Variants in CIMIP6 observed in about 807,000 individuals in gnomAD.
CIMIP6 encodes ciliary microtubule inner protein 6, also known as uncharacterized protein C2orf73.
chr2:54,358,999 C>A, the CIMIP6 span: 1 of 1,553,184 alleles, frequency 6.4e-7, no homozygotes, highest in Non-Finnish European at 8.7e-7. Flanking sequence ...AACTTCAAAA[C>A]AATTTTATAG....
the CIMIP6 span, among the ~76,000 whole-genome samples, chr2:54,354,579 TTC>T: frequency 2.6e-5 from 4 of 152,220 alleles, no homozygotes; most frequent in East Asian, 1.9e-4. Flanking sequence ...ACTATATAGT[TTC>T]TGTTTCTACT....
chr2:54,343,800 C>CTTCCAAAAACCATCGT, the CIMIP6 span: 1 of 1,612,956 alleles, frequency 6.2e-7, no homozygotes, highest in Non-Finnish European at 8.5e-7. Context: ...AGAGGAGTGA[C>CTTCCAAAAACCATCGT]TTCCAAAAAC....
At chr2:54,374,972 T>A in the CIMIP6 span, among the ~76,000 whole-genome samples, 1 of 152,220 alleles carries the variant, frequency 6.6e-6, no homozygotes, top group Non-Finnish European at 1.5e-5. Flanking sequence ...TCACACATAA[T>A]AGAATATCTA....
chr2:54,366,202 C>A, the CIMIP6 span, among the ~76,000 whole-genome samples: 69 of 152,270 alleles, frequency 4.5e-4, no homozygotes, highest in African/African-American at 1.6e-3. Flanking sequence ...GCAGCATGTG[C>A]AACTTCTAAA....
At chr2:54,375,210 G>A in the CIMIP6 span, among the ~76,000 whole-genome samples, 1 of 152,082 alleles carries the variant, frequency 6.6e-6, no homozygotes, top group African/African-American at 2.4e-5. Context: ...AAAAGATAAA[G>A]GGAAGAATGG....
At chr2:54,351,610 C>A in the CIMIP6 span, among the ~76,000 whole-genome samples, 2 of 151,964 alleles carry the variant, frequency 1.3e-5, no homozygotes, top group East Asian at 3.9e-4. Flanking sequence ...GACACTAGGG[C>A]CTGTTGGATG....
chr2:54,379,446 T>C, the CIMIP6 span, among the ~76,000 whole-genome samples: 1 of 152,214 alleles, frequency 6.6e-6, no homozygotes, highest in African/African-American at 2.4e-5. Flanking sequence ...TCCTGGGCCA[T>C]ACTTGCAGGC....
the CIMIP6 span, among the ~76,000 whole-genome samples, chr2:54,374,531 G>A: frequency 6.6e-6 from 1 of 152,158 alleles, no homozygotes; most frequent in South Asian, 2.1e-4. Flanking sequence ...AACCAATAAT[G>A]AATCTTTCCA....
the CIMIP6 span, among the ~76,000 whole-genome samples, chr2:54,333,276 T>C: frequency 6.6e-6 from 1 of 152,106 alleles, no homozygotes; most frequent in Non-Finnish European, 1.5e-5. Context: ...AGTACTAAAA[T>C]AGAGAATACA....
At chr2:54,375,485 G>T in the CIMIP6 span, among the ~76,000 whole-genome samples, 1 of 152,320 alleles carries the variant, frequency 6.6e-6, no homozygotes, top group South Asian at 2.1e-4. Context: ...GTAAGGGTAA[G>T]GGGGAAAGCA....
chr2:54,381,712 A>G, the CIMIP6 span: 1 of 1,270,464 alleles, frequency 7.9e-7, no homozygotes, highest in East Asian at 2.8e-5. Context: ...CTCCTGTGCC[A>G]TCTGCCCTTT....
At chr2:54,359,639 AG>A in the CIMIP6 span, among the ~76,000 whole-genome samples, 4 of 151,556 alleles carry the variant, frequency 2.6e-5, no homozygotes, top group African/African-American at 9.7e-5. Context: ...ATAATATCAA[AG>A]CAGTTTGACA....
chr2:54,343,319 AGAT>A, the CIMIP6 span, among the ~76,000 whole-genome samples: 1 of 152,222 alleles, frequency 6.6e-6, no homozygotes, highest in African/African-American at 2.4e-5. Context: ...CACTATTTTT[AGAT>A]GATAATACAT....
the CIMIP6 span, among the ~76,000 whole-genome samples, chr2:54,380,159 AAAAG>A: frequency 6.6e-6 from 1 of 152,030 alleles, no homozygotes; most frequent in African/African-American, 2.4e-5. Context: ...AATAAAATAA[AAAAG>A]AAGGAAGGAA....
the CIMIP6 span, among the ~76,000 whole-genome samples, chr2:54,367,577 A>C: frequency 6.6e-6 from 1 of 152,264 alleles, no homozygotes; most frequent in Non-Finnish European, 1.5e-5. Flanking sequence ...GCAGCATGAA[A>C]CCATTAGTCA....
chr2:54,363,066 C>A, the CIMIP6 span, among the ~76,000 whole-genome samples: 1 of 152,162 alleles, frequency 6.6e-6, no homozygotes, highest in Non-Finnish European at 1.5e-5. Context: ...GATCATCTCT[C>A]CTAGGATATT....
chr2:54,378,437 A>C, the CIMIP6 span, among the ~76,000 whole-genome samples: 7 of 152,276 alleles, frequency 4.6e-5, no homozygotes, highest in African/African-American at 1.7e-4. Flanking sequence ...AGCAACTTAA[A>C]TTCTTCCCTA....
At chr2:54,358,868 TTTG>T in the CIMIP6 span, 1 of 561,396 alleles carries the variant, frequency 1.8e-6, no homozygotes, top group South Asian at 3.3e-5. Context: ...AGAATTTAGT[TTTG>T]TTACCATATT....
At chr2:54,337,817 A>G in the CIMIP6 span, among the ~76,000 whole-genome samples, 1 of 152,168 alleles carries the variant, frequency 6.6e-6, no homozygotes, top group African/African-American at 2.4e-5. Context: ...AGATAAGGGA[A>G]TCTGTCAGTG....
Sources: allele counts gnomAD v4.1 joint callset (sites outside exome capture counted in the v4.1 genomes callset), GRCh38; gene constraint gnomAD v4.1.1; transcripts MANE v1.5; gene names NCBI Gene and HGNC (gene_info 2026-07-23, HGNC 2026-07-21).